ZNF33B: variants seen among roughly 807,000 people sequenced by gnomAD.
The protein encoded by ZNF33B is zinc finger protein 33B.
Under a neutral mutation model 45.8 loss-of-function variants are expected in ZNF33B, and 29 were observed. The ratio of observed to expected loss-of-function variants is 0.63; its 90% CI spans 0.47 to 0.86. The LOEUF (loss-of-function observed/expected upper bound fraction) is 0.86, where lower values mean the gene tolerates loss of function less well. ZNF33B is among the 40% of genes least tolerant of loss of function. The pLI, the probability that ZNF33B is intolerant of heterozygous loss-of-function variation, is 0.00. For synonymous variants in ZNF33B, 305 were observed against 307.8 expected (o/e 0.99, Z 0.10); for missense variants, 831 against 909.9 (o/e 0.91, Z 1.12).
intron 4 of ZNF33B, among the ~76,000 whole-genome samples, chr10:42,602,415 T>C (rs572792329): frequency 1.0e-3 from 155 of 152,310 alleles, no homozygotes; most frequent in African/African-American, 3.7e-3. Flanking sequence ...CTAATATCTA[T>C]GGCAATTCTG....
intron 4 of ZNF33B, among the ~76,000 whole-genome samples, chr10:42,626,810 C>G (rs1167167235): frequency 6.6e-6 from 1 of 151,952 alleles, no homozygotes; most frequent in Non-Finnish European, 1.5e-5. Context: ...GTAGAATTCT[C>G]TAGTGAGAAC....
At chr10:42,601,908 CTTTTTTTTT>C (rs34431290) in intron 4 of ZNF33B, among the ~76,000 whole-genome samples, 2 of 75,366 alleles carry the variant, frequency 2.7e-5, no homozygotes, top group Non-Finnish European at 5.0e-5. Flanking sequence ...ATGTGATATT[CTTTTTTTTT>C]TTTTTTTTTT....
chr10:42,602,093 G>T (rs1291330112), intron 4 of ZNF33B, among the ~76,000 whole-genome samples: 14 of 151,138 alleles, frequency 9.3e-5, no homozygotes, highest in Admixed American at 9.2e-4. Flanking sequence ...TAATTTTTTT[G>T]TTGTTTCATT....
chr10:42,590,220 G>C lies in ZNF33B; in HGVS notation c.*2393C>G, dbSNP rs1837059404. 1.3e-5 allele frequency: 2 copies of C among 151,968 alleles called. No individual in the cohort carries two copies. The highest frequency in any genetic ancestry group is 2.9e-5 in the Non-Finnish European group (2 of 68,004). 9.4% of individuals were successfully genotyped at this position (151,968 alleles called of 1,614,324 possible). On this transcript the variant is annotated 3_prime_UTR_variant, in exon 5 of 5. Coordinates refer to ENST00000359467, the MANE Select transcript of ZNF33B (RefSeq NM_006955.3). Reference sequence around the variant, plus strand: ...TCTTGTAATGTTTTTGCCTGGCTTTGGTATTAGGGTAATCCTGGCCTCACA... The same window carrying C: ...TCTTGTAATGTTTTTGCCTGGCTTTCGTATTAGGGTAATCCTGGCCTCACA...
chr10:42,601,084 A>T (rs546442293), intron 4 of ZNF33B, among the ~76,000 whole-genome samples: 2,585 of 152,196 alleles, frequency 0.017, 79 homozygotes, highest in African/African-American at 0.059. Flanking sequence ...CTACATTGAG[A>T]TTTTTGCTTT....
In ZNF33B at chr10:42,594,550, G is replaced by C. The variant is rs367799150; in HGVS notation, c.400C>G (p.Pro134Ala). The C allele has an allele frequency of 3.7e-6, 6 of 1,613,124 alleles. No individual in the cohort carries two copies. The highest frequency in any genetic ancestry group is 5.1e-6 in the Non-Finnish European group (6 of 1,179,684). ...IPFNMDVSSFPSRKMFCQYDS... is the reference protein window; with the variant it reads ...IPFNMDVSSFASRKMFCQYDS... ...TACTGACAGAACATTTTTCTGGAAG[G>C]AAAAGAACTTACGTCCATGTTAAAT... Residue 134 changes from proline (P) to alanine (A), a missense_variant, in exon 5 of 5, where the codon CCT becomes GCT. Physicochemically the swap from Pro to Ala is conservative, Grantham distance 27. Transcript: ENST00000359467.
At position 42,601,156 on chromosome 10, in the gene ZNF33B, T is replaced by C. The variant is rs538484507; in HGVS notation, c.251-6457A>G. ...GCCTCATTTAAGGAGAAATCTGTTA[T>C]CATCCTTGCCTTTGTTCCTCCATAA... On this transcript the variant is annotated intron_variant, in intron 4 of 4. Transcript: ENST00000359467. 4.6e-5 allele frequency among the ~76,000 whole-genome samples: 7 copies of C among 152,336 alleles called. No individual in the cohort carries two copies. The South Asian group carries it at 1.2e-3, about 27-fold the overall frequency.
In ZNF33B at chr10:42,636,678, G is replaced by A. The variant is rs192741384; in HGVS notation, c.9+242C>T. 2.6e-3 allele frequency: 1,369 copies of A among 535,764 alleles called. 14 individuals carry two copies. Among genetic ancestry groups the A allele is most frequent in the African/African-American group, 0.024 (1,248 of 52,532 alleles). 33.2% of individuals were successfully genotyped at this position (535,764 alleles called of 1,614,324 possible). On this transcript the variant is annotated intron_variant, in intron 2 of 4. Coordinates refer to ENST00000359467, the MANE Select transcript of ZNF33B (RefSeq NM_006955.3). ...CTATTAAAATGCAAAAAATTAGCCA[G>A]GCGTGGCGGCCTGCGCCTGTAGTCC...
At position 42,594,083 on chromosome 10, in the gene ZNF33B, G is replaced by C; in HGVS notation, c.867C>G (p.Thr289=). 1 of 1,613,980 alleles carries C rather than the reference G, an allele frequency of 6.2e-7. No homozygotes were observed. Among genetic ancestry groups the C allele is most frequent in the Non-Finnish European group, 8.5e-7 (1 of 1,179,942 alleles). The part of the protein sequence containing the change: ...DCEKFLCVKS[T]LSKHDGVPVK... Reference sequence around the variant, plus strand: ...CAGGTACCCCATCATGTTTAGAAAGGGTGGACTTCACACATAAGAACTTCT... The same window carrying C: ...CAGGTACCCCATCATGTTTAGAAAGCGTGGACTTCACACATAAGAACTTCT... The change falls in exon 5 of 5, where the codon ACC becomes ACG. Residue 289 remains threonine (T), a synonymous_variant. Transcript: ENST00000359467.
At position 42,619,325 on chromosome 10, in the gene ZNF33B, T is replaced by A. The variant is rs547128431; in HGVS notation, c.250+12604A>T. ...TCTCCGCAGAAATCAATTGAAGGCC[T>A]GAAGACAGATGGATGACATATATAA... On this transcript the variant is annotated intron_variant, in intron 4 of 4. Transcript: ENST00000359467. 2.6e-5 allele frequency among the ~76,000 whole-genome samples: 4 copies of A among 152,314 alleles called. No homozygotes were observed. The South Asian group carries it at 8.3e-4, about 32-fold the overall frequency.
chr10:42,633,742 T>C (rs1297547866), intron 2 of ZNF33B, among the ~76,000 whole-genome samples: 3 of 151,944 alleles, frequency 2.0e-5, no homozygotes, highest in African/African-American at 7.2e-5. Flanking sequence ...CCGAGGCGGG[T>C]GGATCACCTG....
chr10:42,577,738 G>C (rs993952337), intron 1 of ZNF33B, among the ~76,000 whole-genome samples: 1 of 152,150 alleles, frequency 6.6e-6, no homozygotes, highest in Non-Finnish European at 1.5e-5. Context: ...TGAGTATCCT[G>C]GCAAGTGGAT....
chr10:42,580,028 G>T (rs920038552), intron 1 of ZNF33B, among the ~76,000 whole-genome samples: 39 of 152,240 alleles, frequency 2.6e-4, no homozygotes, highest in African/African-American at 8.9e-4. Flanking sequence ...ATGGAGGAAG[G>T]AAGTTAAATT....
chr10:42,582,910 C>G (rs1010162001), intron 1 of ZNF33B: 5 of 490,858 alleles, frequency 1.0e-5, no homozygotes, highest in African/African-American at 9.7e-5. Flanking sequence ...TAGGCTGTTT[C>G]CAAATTTGTT....
intron 2 of ZNF33B, among the ~76,000 whole-genome samples, chr10:42,633,866 G>A (rs1429607436): frequency 6.6e-6 from 1 of 151,776 alleles, no homozygotes; most frequent in African/African-American, 2.4e-5. Context: ...CTACTCAGGA[G>A]GCTGAGACAG....
In ZNF33B at chr10:42,593,234, A is replaced by G. The variant is rs538444456; in HGVS notation, c.1716T>C (p.Tyr572=). Reference sequence around the variant, plus strand: ...AGGGTTTCTCCCCCGTGTGTGTTCTATAATGTTGAGAGAGGGTTGACTTAT... The same window carrying G: ...AGGGTTTCTCCCCCGTGTGTGTTCTGTAATGTTGAGAGAGGGTTGACTTAT... ...FSHKSTLSQH[Y]RTHTGEKPYE... Residue 572 remains tyrosine, a synonymous_variant, in exon 5 of 5, where the codon TAT becomes TAC. Coordinates refer to ENST00000359467, the MANE Select transcript of ZNF33B (RefSeq NM_006955.3). 1.6e-5 allele frequency: 26 copies of G among 1,613,428 alleles called. No individual in the cohort carries two copies. The highest frequency in any genetic ancestry group is 8.8e-5 in the South Asian group (8 of 91,058).
At chr10:42,574,247 C>CTACA (rs1159304359) in exon 2 of ZNF33B, 1 of 151,648 alleles carries the variant, frequency 6.6e-6, no homozygotes, top group Non-Finnish European at 1.5e-5. Context: ...CTACCACCAC[C>CTACA]TACAGCCTCT....
Position 42,631,915 on chromosome 10 carries a change from A to G in ZNF33B, c.250+14T>C, listed in dbSNP as rs372962500. On this transcript the variant is annotated intron_variant, in intron 4 of 4. Transcript: ENST00000359467. Reference sequence around the variant, plus strand: ...ATCCCCTGATGTGAATCTGTGCAGTACATATTAACCCACCTGGAAAGCTCT... The same window carrying G: ...ATCCCCTGATGTGAATCTGTGCAGTGCATATTAACCCACCTGGAAAGCTCT... 2.1e-5 allele frequency: 33 copies of G among 1,604,166 alleles called. No homozygotes were observed. In the African/African-American group the frequency reaches 4.3e-4, roughly 21 times the overall value.
intron 4 of ZNF33B, among the ~76,000 whole-genome samples, chr10:42,630,815 G>GCCTT (rs1564527502): frequency 6.6e-6 from 1 of 152,112 alleles, no homozygotes; most frequent in Non-Finnish European, 1.5e-5. Flanking sequence ...CCACTAAACA[G>GCCTT]ATTTTAACCA....
Sources: gnomAD v4.1 joint callset for allele counts (sites outside exome capture counted in the v4.1 genomes callset) on GRCh38, gnomAD v4.1.1 for gene constraint, MANE v1.5 for transcripts, NCBI Gene and HGNC (gene_info 2026-07-23, HGNC 2026-07-21) for gene names.